The following GRID1 variants were observed in gnomAD, a reference collection of about 807,000 sequenced individuals.
The protein encoded by GRID1 is glutamate receptor ionotropic, delta-1.
GRID1 carries 28 observed loss-of-function variants against 98.0 expected under a neutral mutation model. That is an observed-to-expected ratio of 0.29 (90% CI 0.21 to 0.39). The LOEUF is 0.39. Ranked by LOEUF, GRID1 falls within the 10% of genes least tolerant of loss-of-function variation. The probability of loss-of-function intolerance (pLI) is 1.00; values close to 1 mark genes in which losing one functional copy is unlikely to be tolerated. For missense variants in GRID1, 1,111 were observed against 1,340.5 expected (o/e 0.83, Z 2.67); for synonymous variants, 553 against 538.5 (o/e 1.03, Z -0.37).
Position 85,815,898 on chromosome 10 carries a change from T to TA in GRID1, c.1233+38597dup, listed in dbSNP as rs538089774. Among the ~76,000 whole-genome samples the TA allele has an allele frequency of 3.1e-3, 474 of 151,612 alleles. 5 individuals are homozygous for TA. Among genetic ancestry groups the TA allele is most frequent in the African/African-American group, 0.011 (435 of 41,406 alleles). ...ATAAAGCAAAACAACTCCTTTTTTGTAAAAAAAAGCTTACATCATTAGTCA... is the reference window on the plus strand; with the variant it reads ...ATAAAGCAAAACAACTCCTTTTTTGTAAAAAAAAAGCTTACATCATTAGTCA... On this transcript the variant is annotated intron_variant, in intron 8 of 15. Coordinates refer to ENST00000327946, the MANE Select transcript of GRID1 (RefSeq NM_017551.3).
At chr10:85,941,800 C>G (rs1451621103) in intron 4 of GRID1, among the ~76,000 whole-genome samples, 1 of 152,182 alleles carries the variant, frequency 6.6e-6, no homozygotes, top group African/African-American at 2.4e-5. Context: ...CTATCCCAAG[C>G]CCCATTCCAC....
intron 4 of GRID1, among the ~76,000 whole-genome samples, chr10:85,974,827 G>A (rs1842451663): frequency 6.6e-6 from 1 of 152,180 alleles, no homozygotes; most frequent in Admixed American, 6.5e-5. Flanking sequence ...GTCTCACTAT[G>A]TTGCCCAGGC....
At chr10:86,060,889 T>A (rs1843638803) in intron 4 of GRID1, among the ~76,000 whole-genome samples, 1 of 152,156 alleles carries the variant, frequency 6.6e-6, no homozygotes, top group Non-Finnish European at 1.5e-5. Flanking sequence ...TCAAGGCCTC[T>A]GGGTATCCAC....
intron 12 of GRID1, among the ~76,000 whole-genome samples, chr10:85,671,461 C>A (rs1841084278): frequency 6.6e-6 from 1 of 152,006 alleles, no homozygotes; most frequent in South Asian, 2.1e-4. Context: ...TCTTTGGGGG[C>A]CACAAACTGC....
chr10:86,201,839 A>T lies in GRID1; in HGVS notation c.520+4525T>A, dbSNP rs190080648. On this transcript the variant is annotated intron_variant, in intron 3 of 15. Coordinates refer to ENST00000327946, the MANE Select transcript of GRID1 (RefSeq NM_017551.3). ...CTTCAGACACATAAAAAGAAAAAAA[A>T]ACTATCAAGGAAAGCGAGGGTCTTG... 8.9e-4 allele frequency among the ~76,000 whole-genome samples: 135 copies of T among 152,280 alleles called. 3 individuals carry two copies. In the East Asian group the frequency reaches 0.023, roughly 26 times the overall value.
At chr10:85,913,105 A>G (rs1409835580) in intron 5 of GRID1, among the ~76,000 whole-genome samples, 3 of 152,104 alleles carry the variant, frequency 2.0e-5, no homozygotes, top group Non-Finnish European at 4.4e-5. Flanking sequence ...AAGCTTTCCA[A>G]CAGGCCCTAC....
intron 8 of GRID1, among the ~76,000 whole-genome samples, chr10:85,828,301 G>A (rs373763899): frequency 1.3e-5 from 2 of 151,972 alleles, no homozygotes; most frequent in East Asian, 3.9e-4. Context: ...AGTGGTAAGA[G>A]GAAAATTTAT....
intron 4 of GRID1, among the ~76,000 whole-genome samples, chr10:85,990,369 T>A (rs1277145718): frequency 6.6e-6 from 1 of 152,184 alleles, no homozygotes. Context: ...GCAGAGCTTG[T>A]ATGAGGCTCA....
At chr10:86,032,659 T>C (rs1293639021) in intron 4 of GRID1, among the ~76,000 whole-genome samples, 1 of 151,896 alleles carries the variant, frequency 6.6e-6, no homozygotes, top group African/African-American at 2.4e-5. Flanking sequence ...CACTCCCTAA[T>C]CTCAAATACC....
chr10:86,041,852 CT>C (rs1843350304), intron 4 of GRID1, among the ~76,000 whole-genome samples: 1 of 152,138 alleles, frequency 6.6e-6, no homozygotes, highest in Admixed American at 6.5e-5. Context: ...ATTTCCACCA[CT>C]TTTCACCCAG....
intron 12 of GRID1, among the ~76,000 whole-genome samples, chr10:85,698,893 T>A (rs2132619863): frequency 6.6e-6 from 1 of 152,328 alleles, no homozygotes; most frequent in Admixed American, 6.5e-5. Flanking sequence ...CATTCCCTAA[T>A]GACGTGATGT....
At chr10:85,642,315 C>T (rs1843131405) in intron 13 of GRID1, among the ~76,000 whole-genome samples, 1 of 152,124 alleles carries the variant, frequency 6.6e-6, no homozygotes, top group Admixed American at 6.5e-5. Flanking sequence ...TTCCTTAGGC[C>T]TGATAAGTGC....
intron 4 of GRID1, among the ~76,000 whole-genome samples, chr10:85,950,475 T>C (rs1842106349): frequency 6.6e-6 from 1 of 152,160 alleles, no homozygotes; most frequent in South Asian, 2.1e-4. Context: ...CTCCATGTCC[T>C]AAGACTTTTA....
Position 85,934,449 on chromosome 10 carries a change from C to G in GRID1, c.727-18210G>C, listed in dbSNP as rs942318079. On this transcript the variant is annotated intron_variant, in intron 4 of 15. Coordinates refer to ENST00000327946, the MANE Select transcript of GRID1 (RefSeq NM_017551.3). The stretch of plus-strand genomic sequence containing the variant: ...ACACACACACACACACACACACACA[C>G]ACACACAGAGCAAAGATAAATAGCT... Among the ~76,000 whole-genome samples the G allele has an allele frequency of 3.1e-3, 441 of 144,402 alleles. 2 individuals carry two copies. Among genetic ancestry groups the G allele is most frequent in the African/African-American group, 0.011 (422 of 37,282 alleles). 94.7% of individuals were successfully genotyped at this position (144,402 alleles called of 152,430 possible).
At chr10:86,088,657 G>A (rs1307700326) in intron 4 of GRID1, among the ~76,000 whole-genome samples, 3 of 152,172 alleles carry the variant, frequency 2.0e-5, no homozygotes, top group Non-Finnish European at 2.9e-5. Flanking sequence ...GGGAAATGGA[G>A]TAGACATACT....
chr10:86,158,394 C>G (rs1188709604), intron 3 of GRID1, among the ~76,000 whole-genome samples: 1 of 152,206 alleles, frequency 6.6e-6, no homozygotes, highest in African/African-American at 2.4e-5. Flanking sequence ...GCTACGATGA[C>G]CATCATCAGA....
At chr10:86,035,081 G>C (rs1843241521) in intron 4 of GRID1, among the ~76,000 whole-genome samples, 1 of 152,120 alleles carries the variant, frequency 6.6e-6, no homozygotes, top group Non-Finnish European at 1.5e-5. Flanking sequence ...AGGTTTTTGG[G>C]ACTGGGCTGT....
intron 12 of GRID1, among the ~76,000 whole-genome samples, chr10:85,691,768 G>A (rs1438687824): frequency 6.6e-6 from 1 of 152,120 alleles, no homozygotes; most frequent in African/African-American, 2.4e-5. Flanking sequence ...AATGTGAACA[G>A]CTCTGCATGG....
intron 4 of GRID1, among the ~76,000 whole-genome samples, chr10:86,007,270 T>G (rs1842871696): frequency 6.6e-6 from 1 of 152,234 alleles, no homozygotes; most frequent in Non-Finnish European, 1.5e-5. Context: ...GGGAAGGGGC[T>G]CTCAGAGCTT....
Sources: allele counts gnomAD v4.1 joint callset (sites outside exome capture counted in the v4.1 genomes callset), GRCh38; gene constraint gnomAD v4.1.1; transcripts MANE v1.5; gene names NCBI Gene and HGNC (gene_info 2026-07-23, HGNC 2026-07-21).